The following SYNE2 variants were observed in gnomAD, a reference collection of about 807,000 sequenced individuals.
The protein encoded by SYNE2 is nesprin-2.
SYNE2 carries 431 observed loss-of-function variants against 856.3 expected under a neutral mutation model. The observed-to-expected ratio is 0.50, with a 90% CI of 0.47 to 0.55. The LOEUF is 0.55. Among genes scored for constraint, SYNE2 ranks in the 20% least tolerant of loss-of-function variants. The pLI, the probability that SYNE2 is intolerant of heterozygous loss-of-function variation, is 0.00. For synonymous variants in SYNE2, 2,923 were observed against 2,872.3 expected (o/e 1.02, Z -0.56); for missense variants, 8,129 against 8,023.2 (o/e 1.01, Z -0.50).
intron 1 of SYNE2, among the ~76,000 whole-genome samples, chr14:63,908,299 T>C (rs565711890): frequency 5.7e-4 from 87 of 152,346 alleles, no homozygotes; most frequent in Non-Finnish European, 1.0e-3. Flanking sequence ...TGTACAATTA[T>C]CCATCCCTAT....
chr14:64,089,680 A>C lies in SYNE2; in HGVS notation c.11777A>C (p.His3926Pro). The C allele has an allele frequency of 6.3e-7, 1 of 1,583,692 alleles. No individual in the cohort carries two copies. Among genetic ancestry groups the C allele is most frequent in the South Asian group, 1.1e-5 (1 of 90,236 alleles). Reference sequence around the variant, plus strand: ...ATATTTGATTTTTCACCTGAAGAACATCTCAAACATGGGGAGGTAAGCATA... The same window carrying C: ...ATATTTGATTTTTCACCTGAAGAACCTCTCAAACATGGGGAGGTAAGCATA... ...KEIFDFSPEE[H>P]LKHGEVILEN... The change falls in exon 59 of 116, where the codon CAT becomes CCT. Residue 3926 changes from histidine to proline, a missense_variant. Transcript: ENST00000555002.
chr14:63,799,802 G>A (rs1222017162), intron 1 of SYNE2, among the ~76,000 whole-genome samples: 1 of 152,092 alleles, frequency 6.6e-6, no homozygotes, highest in African/African-American at 2.4e-5. Context: ...TGTCAGTGTC[G>A]CACTTGAAAA....
chr14:63,942,078 G>C lies in SYNE2; in HGVS notation c.343G>C (p.Asp115His). The stretch of plus-strand genomic sequence containing the variant: ...TAAGCTAATAAATATTCATGTTACT[G>C]ATATCATTGATGGAAACCCATCCAT... ...SIKLINIHVT[D>H]IIDGNPSIIL... The change falls in exon 6 of 116, where the codon GAT (aspartate) becomes CAT (histidine). Residue 115 changes from aspartate (D) to histidine (H), a missense_variant. Transcript: ENST00000555002. The C allele has an allele frequency of 1.2e-6, 2 of 1,611,264 alleles. No individual in the cohort carries two copies. Among genetic ancestry groups the C allele is most frequent in the South Asian group, 2.2e-5 (2 of 91,030 alleles).
chr14:64,183,325 A>G (rs1156621039), intron 96 of SYNE2, among the ~76,000 whole-genome samples: 1 of 146,110 alleles, frequency 6.8e-6, no homozygotes, highest in Non-Finnish European at 1.5e-5. Flanking sequence ...ACGGGGCGGC[A>G]GGGCAGAGGC....
chr14:63,960,656 C>T (rs368136539), intron 8 of SYNE2: 2 of 654,154 alleles, frequency 3.1e-6, no homozygotes, highest in East Asian at 2.6e-5. Context: ...TCAAGAAACA[C>T]CTCCAAATTA....
At chr14:64,058,548 A>G (rs2097291539) in intron 49 of SYNE2, among the ~76,000 whole-genome samples, 1 of 152,104 alleles carries the variant, frequency 6.6e-6, no homozygotes, top group Non-Finnish European at 1.5e-5. Flanking sequence ...GTGCAGTGGC[A>G]CAGTCTTGCT....
rs1319229044 is a variant in SYNE2 at position 64,165,330 on chromosome 14, T to C, written c.16525T>C (p.Leu5509=). 2 of 1,613,878 alleles carry C rather than the reference T, an allele frequency of 1.2e-6. No individual in the cohort carries two copies. Among genetic ancestry groups the C allele is most frequent in the African/African-American group, 1.3e-5 (1 of 74,886 alleles). The part of the protein sequence containing the change: ...FKDFGVRLES[L]KGLIMHEEEN... ...GGATTTTGGAGTCCGGCTGGAATCT[T>C]TAAAAGGTCTTATTATGCATGAAGA... is the stretch of plus-strand genomic sequence containing the variant. Residue 5509 remains leucine (L), a synonymous_variant, in exon 90 of 116, where the codon TTA becomes CTA. Coordinates refer to ENST00000555002, the MANE Select transcript of SYNE2 (RefSeq NM_182914.3).
intron 1 of SYNE2, among the ~76,000 whole-genome samples, chr14:63,780,482 C>T (rs1000067294): frequency 2.0e-5 from 3 of 151,998 alleles, no homozygotes; most frequent in East Asian, 1.9e-4. Flanking sequence ...TGTGGTGAGC[C>T]GAGATCATGC....
intron 66 of SYNE2, among the ~76,000 whole-genome samples, chr14:64,119,121 G>T (rs755475549): frequency 4.6e-5 from 7 of 152,160 alleles, no homozygotes; most frequent in Admixed American, 6.5e-5. Flanking sequence ...CTAGTTCCAA[G>T]ATCTGTGTTC....
chr14:64,223,666 A>G (rs1367522445), intron 113 of SYNE2, among the ~76,000 whole-genome samples: 2 of 152,126 alleles, frequency 1.3e-5, no homozygotes, highest in Non-Finnish European at 2.9e-5. Flanking sequence ...GGTTCTTGCC[A>G]TGCTGCCCAG....
rs752110658 is a variant in SYNE2 at position 64,052,492 on chromosome 14, G to C, written c.8579G>C (p.Arg2860Thr). 8.7e-6 allele frequency: 14 copies of C among 1,613,890 alleles called. No individual in the cohort carries two copies. The highest frequency in any genetic ancestry group is 1.2e-5 in the Non-Finnish European group (14 of 1,179,944). The stretch of plus-strand genomic sequence containing the variant: ...GAAAGTGAAACACTGATAATTCCCA[G>C]GGTGGAGACAGCTGCCACGGAAGCT... ...VQESETLIIPRVETAATEAEL... is the reference protein window; with the variant it reads ...VQESETLIIPTVETAATEAEL... Residue 2860 changes from arginine to threonine, a missense_variant, in exon 48 of 116, where the codon AGG (arginine) becomes ACG (threonine). Physicochemically the swap from Arg to Thr is moderately conservative, Grantham distance 71. Around this residue, in one of 3 missense-constraint regions of SYNE2, gnomAD observed 5,410 missense variants for 5,284.8 expected, o/e 1.02. Transcript: ENST00000555002.
At chr14:64,191,145 T>A in intron 99 of SYNE2, 1 of 421,512 alleles carries the variant, frequency 2.4e-6, no homozygotes, top group Non-Finnish European at 4.2e-6. Flanking sequence ...TCTTATTATT[T>A]AAATTTATTA....
intron 2 of SYNE2, among the ~76,000 whole-genome samples, chr14:63,909,753 A>T (rs146337812): frequency 0.014 from 2,127 of 152,334 alleles, 43 homozygotes; most frequent in African/African-American, 0.048. Context: ...AAGCAGGAGA[A>T]TTGTTTGAAC....
intron 11 of SYNE2, among the ~76,000 whole-genome samples, chr14:63,972,298 C>T (rs1258238469): frequency 6.6e-6 from 1 of 152,014 alleles, no homozygotes; most frequent in Non-Finnish European, 1.5e-5. Context: ...AGAGACCTGG[C>T]CTGATTTTGT....
chr14:63,786,116 G>A (rs1460632036), intron 1 of SYNE2, among the ~76,000 whole-genome samples: 1 of 152,154 alleles, frequency 6.6e-6, no homozygotes, highest in Non-Finnish European at 1.5e-5. Context: ...TGGGCATGGT[G>A]GTGTGTGCCT....
chr14:64,126,693 C>T lies in SYNE2; in HGVS notation c.13803C>T (p.Asn4601=), dbSNP rs2097949445. ...TGACTTGGCCTGGCGAGAACACCAACTTGCTCCTTGAATGTTTTGACAACC... is the reference window on the plus strand; with the variant it reads ...TGACTTGGCCTGGCGAGAACACCAATTTGCTCCTTGAATGTTTTGACAACC... ...KAMTWPGENT[N]LLLECFDNLQ... The change falls in exon 73 of 116, where the codon AAC becomes AAT. Residue 4601 remains asparagine, a synonymous_variant. Transcript: ENST00000555002. 1.2e-6 allele frequency: 2 copies of T among 1,614,114 alleles called. No homozygotes were observed. The highest frequency in any genetic ancestry group is 1.7e-5 in the Admixed American group (1 of 60,008).
chr14:64,000,352 T>C lies in SYNE2; in HGVS notation c.3481-210T>C, dbSNP rs4027384. On this transcript the variant is annotated intron_variant, in intron 27 of 115. Coordinates refer to ENST00000555002, the MANE Select transcript of SYNE2 (RefSeq NM_182914.3). ...GCTGCCTTGTCGACTCCCTTGACTT[T>C]ACTGAATGGGTCCTCTGAGAGCACA... Among the ~76,000 whole-genome samples the C allele has an allele frequency of 0.48, 72,836 of 151,990 alleles. 17,702 individuals are homozygous for C. Among genetic ancestry groups the C allele is most frequent in the African/African-American group, 0.56 (23,239 of 41,456 alleles).
At chr14:64,125,441 A>G (rs2097934666) in intron 71 of SYNE2, among the ~76,000 whole-genome samples, 1 of 152,220 alleles carries the variant, frequency 6.6e-6, no homozygotes, top group Non-Finnish European at 1.5e-5. Context: ...AGCAGGAAAG[A>G]GGATCATGAT....
intron 1 of SYNE2, among the ~76,000 whole-genome samples, chr14:63,894,481 A>G (rs978727646): frequency 1.2e-4 from 18 of 152,066 alleles, no homozygotes; most frequent in African/African-American, 3.9e-4. Context: ...CGTGGCCTCC[A>G]AAGTGCTGGG....
Sources: gnomAD v4.1 joint callset for allele counts (sites outside exome capture counted in the v4.1 genomes callset) on GRCh38, gnomAD v4.1.1 for gene constraint, gnomAD v4.1.1 regional missense constraint, MANE v1.5 for transcripts, NCBI Gene and HGNC (gene_info 2026-07-23, HGNC 2026-07-21) for gene names.